Variants in SLC26A5 observed in about 807,000 individuals in gnomAD.
SLC26A5 encodes solute carrier family 26 member 5.
A neutral mutation model predicts 81.0 loss-of-function variants in SLC26A5; 51 were observed. The observed-to-expected ratio is 0.63, with a 90% CI of 0.50 to 0.80. SLC26A5 has a LOEUF of 0.80. Among genes scored for constraint, SLC26A5 ranks in the 30% least tolerant of loss-of-function variants. SLC26A5 has a pLI of 0.00. For missense variants in SLC26A5, 771 were observed against 905.8 expected, an observed-to-expected ratio of 0.85 and a Z score of 1.91; for synonymous variants, 325 against 332.8, an observed-to-expected ratio of 0.98 and a Z score of 0.25.
intron 2 of SLC26A5, among the ~76,000 whole-genome samples, chr7:103,441,992 C>T (rs1826913508): frequency 6.6e-6 from 1 of 152,232 alleles, no homozygotes; most frequent in Non-Finnish European, 1.5e-5. Context: ...CCTAAGATGA[C>T]ACAATCTTAG....
intron 2 of SLC26A5, 84 bp from the exon 3 acceptor site, chr7:103,421,651 C>A (rs1054192385): frequency 1.1e-6 from 1 of 937,524 alleles, no homozygotes; most frequent in Non-Finnish European, 1.7e-6. Flanking sequence ...TGTGGTGTTC[C>A]AAGTTCTTCT....
intron 15 of SLC26A5, 35 bp from the exon 16 acceptor site, chr7:103,379,370 G>A (rs755513877): frequency 4.4e-6 from 6 of 1,375,540 alleles, no homozygotes; most frequent in South Asian, 3.5e-5. Context: ...TTAACACATG[G>A]AAATATTTCA....
At chr7:103,369,754 CTGA>C (rs1339707474), downstream of SLC26A5, among the ~76,000 whole-genome samples, 2 of 152,056 alleles carry the variant, frequency 1.3e-5, no homozygotes, top group East Asian at 3.9e-4. Flanking sequence ...TGTCAGGGTG[CTGA>C]TAAGTTAGAA....
intron 16 of SLC26A5, 59 bp downstream of exon 16, chr7:103,379,184 C>T (rs771071854): frequency 5.9e-6 from 7 of 1,181,780 alleles, no homozygotes; most frequent in Non-Finnish European, 8.9e-6. Flanking sequence ...TAGTGATCCT[C>T]ATATCCCTGT....
chr7:103,387,564 G>T (rs1341464260), intron 14 of SLC26A5, among the ~76,000 whole-genome samples: 1 of 152,202 alleles, frequency 6.6e-6, no homozygotes, highest in Non-Finnish European at 1.5e-5. Context: ...ATATGAGGTA[G>T]GAAGTATTAG....
At chr7:103,397,503 T>C (rs1823222304) in intron 9 of SLC26A5, among the ~76,000 whole-genome samples, 1 of 126,682 alleles carries the variant, frequency 7.9e-6, no homozygotes, top group South Asian at 2.6e-4. Context: ...ATCATGCCAC[T>C]GCACTCCAGC....
chr7:103,400,750 T>C (rs976821438), intron 8 of SLC26A5, among the ~76,000 whole-genome samples: 2 of 152,122 alleles, frequency 1.3e-5, no homozygotes, highest in African/African-American at 4.8e-5. Flanking sequence ...TTGTATAAGG[T>C]GTAAGAAAGG....
At chr7:103,352,784 A>C in exon 20 of SLC26A5, 1 of 776,632 alleles carries the variant, frequency 1.3e-6, no homozygotes, top group Non-Finnish European at 2.4e-6. Flanking sequence ...CAGAAGTGTT[A>C]AGTGACTTGG....
chr7:103,392,395 T>C (rs1346311737), intron 10 of SLC26A5, among the ~76,000 whole-genome samples: 1 of 152,154 alleles, frequency 6.6e-6, no homozygotes, highest in Non-Finnish European at 1.5e-5. Flanking sequence ...TGAACAAAGA[T>C]AAACCTTCCT....
rs1283533935 is a variant in SLC26A5 at position 103,367,696 on chromosome 7, A to C, written c.2041+9112T>G. The C allele has an allele frequency of 6.2e-7, 1 of 1,608,608 alleles. No individual in the cohort carries two copies. Among genetic ancestry groups the C allele is most frequent in the Non-Finnish European group, 8.5e-7 (1 of 1,178,114 alleles). Reference sequence around the variant, plus strand: ...ATTTTTTTCCATTTTAATATTTGTCAATTTTCTCATTTTTAGGGTCGGACC... The same window carrying C: ...ATTTTTTTCCATTTTAATATTTGTCCATTTTCTCATTTTTAGGGTCGGACC... On this transcript the variant is annotated intron_variant, in intron 19 of 19. Coordinates refer to the SLC26A5 transcript ENST00000339444. This position sits in a 1 kb window ranked among gnomAD's most constrained non-coding sequence, Gnocchi z 6.1.
intron 9 of SLC26A5, among the ~76,000 whole-genome samples, chr7:103,393,647 A>G (rs1822857132): frequency 6.6e-6 from 1 of 151,956 alleles, no homozygotes; most frequent in South Asian, 2.1e-4. Flanking sequence ...GCAGAAGACT[A>G]TACTCCTTGG....
chr7:103,387,177 G>A (rs573317998), intron 14 of SLC26A5, among the ~76,000 whole-genome samples: 2 of 152,224 alleles, frequency 1.3e-5, no homozygotes, highest in Admixed American at 6.5e-5. Flanking sequence ...AGATAAATAC[G>A]GGCAACAGTG....
At chr7:103,388,188 A>G (rs1822347474) in intron 14 of SLC26A5, among the ~76,000 whole-genome samples, 1 of 145,802 alleles carries the variant, frequency 6.9e-6, no homozygotes, top group African/African-American at 2.6e-5. Context: ...TGCCCAGCCC[A>G]TAAAGTTTTT....
chr7:103,378,820 A>C (rs1821555371), intron 16 of SLC26A5, among the ~76,000 whole-genome samples: 1 of 152,198 alleles, frequency 6.6e-6, no homozygotes, highest in Admixed American at 6.5e-5. Flanking sequence ...CAGATCTGTC[A>C]GGTTGTTATA....
At chr7:103,353,989 A>G (rs1467513150) in intron 19 of SLC26A5, 1 of 1,492,714 alleles carries the variant, frequency 6.7e-7, no homozygotes, top group Non-Finnish European at 9.1e-7. Flanking sequence ...CAAACTATAG[A>G]TGTTTTATGT....
At chr7:103,411,875 C>G (rs1824516292) in intron 5 of SLC26A5, among the ~76,000 whole-genome samples, 1 of 152,188 alleles carries the variant, frequency 6.6e-6, no homozygotes, top group Non-Finnish European at 1.5e-5. Flanking sequence ...TTGAATCTGG[C>G]TTGGCTTTGA....
chr7:103,438,735 GAAA>G (rs1320427743), intron 2 of SLC26A5, among the ~76,000 whole-genome samples: 1 of 152,130 alleles, frequency 6.6e-6, no homozygotes, highest in Non-Finnish European at 1.5e-5. Flanking sequence ...CAGACTACTA[GAAA>G]TAGAATCTTT....
rs564907762 is a variant in SLC26A5 at position 103,375,631 on chromosome 7, A to G, written c.2042-1039T>C. Among the ~76,000 whole-genome samples, 3 of 152,256 alleles carry G rather than the reference A, an allele frequency of 2.0e-5. No individual in the cohort carries two copies. In the East Asian group the frequency reaches 5.8e-4, roughly 29 times the overall value. Reference sequence around the variant, plus strand: ...TTCTTTTAAATAAAGATGGGATCTCACTATGTTGCTTAGGCTGGTCTTGAA... The same window carrying G: ...TTCTTTTAAATAAAGATGGGATCTCGCTATGTTGCTTAGGCTGGTCTTGAA... On this transcript the variant is annotated intron_variant, in intron 19 of 19. Transcript: ENST00000306312.
In SLC26A5 at chr7:103,391,646, C is replaced by T; in HGVS notation, c.1209G>A (p.Gln403=). 1 of 1,614,192 alleles carries T rather than the reference C, an allele frequency of 6.2e-7. No homozygotes were observed. Reference sequence around the variant, plus strand: ...CCTGTGTCTTCCCACCGGTTCCCTCCTGAACAAGGCTTCGAGACAAGGAGC... The same window carrying T: ...CCTGTGTCTTCCCACCGGTTCCCTCTTGAACAAGGCTTCGAGACAAGGAGC... The part of the protein sequence containing the change: ...ISCSLSRSLV[Q]EGTGGKTQLA... Residue 403 remains glutamine (Q), a synonymous_variant, in exon 11 of 20, where the codon CAG becomes CAA. Transcript: ENST00000306312.
Sources: gnomAD v4.1 joint callset for allele counts (sites outside exome capture counted in the v4.1 genomes callset) on GRCh38, gnomAD v4.1.1 for gene constraint, Gnocchi (gnomAD v3.1) non-coding constraint, MANE v1.5 for transcripts, NCBI Gene and HGNC (gene_info 2026-07-23, HGNC 2026-07-21) for gene names.